Variants in ARAP2 observed in about 807,000 individuals in gnomAD.
The protein encoded by ARAP2 is arf-GAP with Rho-GAP domain, ANK repeat and PH domain-containing protein 2.
ARAP2 carries 148 observed loss-of-function variants against 194.5 expected under a neutral mutation model. The ratio of observed to expected loss-of-function variants is 0.76; its 90% CI spans 0.67 to 0.87. The LOEUF (loss-of-function observed/expected upper bound fraction) is 0.87, where lower values mean the gene tolerates loss of function less well. Ranked by LOEUF, ARAP2 falls within the 40% of genes least tolerant of loss-of-function variation. The probability of loss-of-function intolerance (pLI) is 0.00; values close to 1 mark genes in which losing one functional copy is unlikely to be tolerated. For synonymous variants in ARAP2, 695 were observed against 683.5 expected (o/e 1.02, Z -0.26); for missense variants, 2,128 against 1,989.7 (o/e 1.07, Z -1.32).
intron 2 of ARAP2, among the ~76,000 whole-genome samples, chr4:36,219,378 A>T (rs965780807): frequency 2.6e-5 from 4 of 152,194 alleles, no homozygotes; most frequent in African/African-American, 7.2e-5. Context: ...CACATCTCAA[A>T]AACATCTTAC....
chr4:36,110,590 C>G (rs1180983278), intron 26 of ARAP2, among the ~76,000 whole-genome samples: 1 of 151,872 alleles, frequency 6.6e-6, no homozygotes, highest in East Asian at 1.9e-4. Context: ...TTTTGGATGA[C>G]TGGCTCTTAT....
intron 22 of ARAP2, among the ~76,000 whole-genome samples, chr4:36,124,547 T>G (rs979402317): frequency 2.0e-5 from 3 of 151,882 alleles, no homozygotes; most frequent in African/African-American, 7.2e-5. Flanking sequence ...ATGTCCACCA[T>G]GAGAAAATAC....
intron 26 of ARAP2, among the ~76,000 whole-genome samples, chr4:36,113,898 C>T (rs948250243): frequency 6.6e-5 from 10 of 151,926 alleles, no homozygotes; most frequent in Admixed American, 5.9e-4. Flanking sequence ...CAAATCAAAT[C>T]GCTTGTCCTT....
chr4:36,150,914 G>C lies in ARAP2; in HGVS notation c.2883C>G (p.Phe961Leu). Residue 961 changes from phenylalanine to leucine, a missense_variant, in exon 16 of 33, where the codon TTC (phenylalanine) becomes TTG (leucine). Physicochemically the swap from Phe to Leu is conservative, Grantham distance 22 (BLOSUM62 0). Coordinates refer to ENST00000303965, the MANE Select transcript of ARAP2 (RefSeq NM_015230.4). The part of the protein sequence containing the change: ...VICLAIHKED[F>L]YLNTGPIFIF... ...GACAGACCTACCCAGTATTTAAATA[G>C]AAGTCCTCTTTGTGTATAGCCAGGC... 4 of 1,612,276 alleles carry C rather than the reference G, an allele frequency of 2.5e-6. No individual in the cohort carries two copies. The highest frequency in any genetic ancestry group is 3.4e-6 in the Non-Finnish European group (4 of 1,179,306).
intron 1 of ARAP2, among the ~76,000 whole-genome samples, chr4:36,059,181 T>A (rs1007133848): frequency 6.6e-6 from 1 of 152,184 alleles, no homozygotes; most frequent in Non-Finnish European, 1.5e-5. Context: ...AATATGTATA[T>A]TCATAAATGC....
chr4:36,240,502 G>C (rs1410479223), intron 1 of ARAP2, among the ~76,000 whole-genome samples: 1 of 152,184 alleles, frequency 6.6e-6, no homozygotes, highest in Non-Finnish European at 1.5e-5. Context: ...TTCCAGCTCT[G>C]CCATGTGCTA....
chr4:36,166,186 C>T (rs1189885442), intron 10 of ARAP2, among the ~76,000 whole-genome samples: 1 of 151,994 alleles, frequency 6.6e-6, no homozygotes, highest in Non-Finnish European at 1.5e-5. Context: ...ATTTGAAATT[C>T]CTAATTGTTA....
intron 13 of ARAP2, 109 bp downstream of exon 13, chr4:36,160,350 T>C: frequency 7.9e-7 from 1 of 1,269,486 alleles, no homozygotes; most frequent in Non-Finnish European, 1.0e-6. Flanking sequence ...TAAAATAAAA[T>C]TAATAATTTT....
intron 6 of ARAP2, among the ~76,000 whole-genome samples, chr4:36,199,471 T>C (rs968840754): frequency 9.2e-5 from 14 of 152,256 alleles, no homozygotes; most frequent in Middle Eastern, 3.4e-3. Context: ...TTTGTATTTT[T>C]AGTAGAGACA....
intron 6 of ARAP2, among the ~76,000 whole-genome samples, chr4:36,195,082 A>T (rs1172242073): frequency 6.6e-6 from 1 of 152,050 alleles, no homozygotes; most frequent in Non-Finnish European, 1.5e-5. Context: ...TGAAAGGATC[A>T]TTTGAGCCCA....
At chr4:36,087,667 G>A (rs1323393416) in intron 28 of ARAP2, among the ~76,000 whole-genome samples, 1 of 152,104 alleles carries the variant, frequency 6.6e-6, no homozygotes, top group African/African-American at 2.4e-5. Context: ...AGATATTAAA[G>A]TGTACATCAG....
chr4:36,238,399 T>C (rs1752842541), intron 1 of ARAP2, among the ~76,000 whole-genome samples: 1 of 152,190 alleles, frequency 6.6e-6, no homozygotes, highest in African/African-American at 2.4e-5. Context: ...TGTCACGCAA[T>C]AGATAAACAG....
chr4:36,120,888 T>C (rs1295781276), intron 23 of ARAP2, among the ~76,000 whole-genome samples: 1 of 151,650 alleles, frequency 6.6e-6, no homozygotes, highest in African/African-American at 2.4e-5. Context: ...TAAGTAGATA[T>C]AATTCATACA....
chr4:36,038,885 T>C (rs941171777), intron 5 of ARAP2, among the ~76,000 whole-genome samples: 8 of 152,224 alleles, frequency 5.3e-5, no homozygotes, highest in Non-Finnish European at 1.0e-4. Flanking sequence ...TAAAATGTCA[T>C]CTTTTGCATT....
chr4:36,074,034 A>G (rs1727666004), intron 31 of ARAP2, among the ~76,000 whole-genome samples: 2 of 152,120 alleles, frequency 1.3e-5, no homozygotes, highest in African/African-American at 2.4e-5. Flanking sequence ...TCTCAGCTCA[A>G]TTTCTAAGTT....
chr4:36,053,393 C>T (rs1723014750), intron 2 of ARAP2, among the ~76,000 whole-genome samples: 1 of 151,990 alleles, frequency 6.6e-6, no homozygotes, highest in African/African-American at 2.4e-5. Flanking sequence ...TTGCTAAATA[C>T]ATGCACCTGT....
chr4:36,139,637 T>C (rs1560512855), intron 19 of ARAP2, among the ~76,000 whole-genome samples: 1 of 151,672 alleles, frequency 6.6e-6, no homozygotes, highest in Non-Finnish European at 1.5e-5. Context: ...AGTGTAAGCA[T>C]TTAAAGCTTC....
At chr4:36,210,834 A>C (rs908838671) in intron 5 of ARAP2, 91 bp from the exon 6 acceptor site, 1 of 954,304 alleles carries the variant, frequency 1.0e-6, no homozygotes, top group African/African-American at 1.7e-5. Flanking sequence ...AACTAATAAC[A>C]GAAACATAAG....
In ARAP2 at chr4:36,067,669, T is replaced by A. The variant is rs1229580072; in HGVS notation, c.*238A>T. On this transcript the variant is annotated 3_prime_UTR_variant, in exon 33 of 33. Coordinates refer to ENST00000303965, the MANE Select transcript of ARAP2 (RefSeq NM_015230.4). The stretch of plus-strand genomic sequence containing the variant: ...ACCACCTAAGTAACCCAATGTCTTC[T>A]TACACACGTTAATACAATGGAACTT... 2.7e-6 allele frequency: 1 copy of A among 376,568 alleles called. No homozygotes were observed. The highest frequency in any genetic ancestry group is 2.1e-5 in the African/African-American group (1 of 48,134). 23.3% of individuals were successfully genotyped at this position (376,568 alleles called of 1,614,324 possible).
Sources: allele counts gnomAD v4.1 joint callset (sites outside exome capture counted in the v4.1 genomes callset), GRCh38; gene constraint gnomAD v4.1.1; transcripts MANE v1.5; gene names NCBI Gene and HGNC (gene_info 2026-07-23, HGNC 2026-07-21).